The following TTC7B variants were observed in gnomAD, a reference collection of about 807,000 sequenced individuals.
The protein encoded by TTC7B is tetratricopeptide repeat protein 7B.
Under a neutral mutation model 106.8 loss-of-function variants are expected in TTC7B, and 28 were observed. That is an observed-to-expected ratio of 0.26 (90% CI 0.19 to 0.36). The LOEUF (loss-of-function observed/expected upper bound fraction) is 0.36, where lower values mean the gene tolerates loss of function less well. Ranked by LOEUF, TTC7B falls within the 10% of genes least tolerant of loss-of-function variation. TTC7B has a pLI of 1.00. For missense variants in TTC7B, 862 were observed against 1,076.4 expected, an observed-to-expected ratio of 0.80 and a Z score of 2.79; for synonymous variants, 405 against 430.6, an observed-to-expected ratio of 0.94 and a Z score of 0.74.
Position 90,624,122 on chromosome 14 carries a change from G to A in TTC7B, c.1752-6077C>T, listed in dbSNP as rs763985018. ...TGCATGTGTGTGTGCGCGTGCGCGT[G>A]TGTGTGTTTTGTGACTTGTCTTTCA... On this transcript the variant is annotated intron_variant, in intron 15 of 19. Transcript: ENST00000328459. This position sits in a 1 kb window ranked among gnomAD's most constrained non-coding sequence, Gnocchi z 4.0. Among the ~76,000 whole-genome samples the A allele has an allele frequency of 2.0e-5, 3 of 152,108 alleles. No individual in the cohort carries two copies. The highest frequency in any genetic ancestry group is 2.9e-5 in the Non-Finnish European group (2 of 68,016).
chr14:90,536,922 A>C lies in TTC7B; in HGVS notation c.*4446T>G, dbSNP rs924001621. 1 of 152,454 alleles carries C rather than the reference A, an allele frequency of 6.6e-6. No homozygotes were observed. The highest frequency in any genetic ancestry group is 2.4e-5 in the African/African-American group (1 of 41,466). The allele number at this position is 152,454 out of a possible 1,614,324, so 9.4% of individuals were successfully genotyped here. ...CTGGACTATCCAGGGGGCCCAGAGC[A>C]ACCAGCAGAGTCCTTAGAGGGAGGC... On this transcript the variant is annotated 3_prime_UTR_variant, in exon 20 of 20. Coordinates refer to ENST00000328459, the MANE Select transcript of TTC7B (RefSeq NM_001010854.2).
chr14:90,661,952 T>C (rs1210204598), intron 9 of TTC7B, among the ~76,000 whole-genome samples: 2 of 152,192 alleles, frequency 1.3e-5, no homozygotes, highest in African/African-American at 4.8e-5. Context: ...ACCGGAGGTC[T>C]AATTGGTATA....
At chr14:90,557,518 G>T (rs1371146039) in intron 19 of TTC7B, among the ~76,000 whole-genome samples, 1 of 152,268 alleles carries the variant, frequency 6.6e-6, no homozygotes, top group African/African-American at 2.4e-5. Flanking sequence ...TATATCCTTA[G>T]TGTGTATCTG....
intron 9 of TTC7B, among the ~76,000 whole-genome samples, chr14:90,671,150 C>T (rs1957980): frequency 0.86 from 130,782 of 152,078 alleles, 56,430 homozygotes; most frequent in East Asian, 0.98. Context: ...CAGGACTGCA[C>T]GCAATGCTGA....
intron 17 of TTC7B, among the ~76,000 whole-genome samples, chr14:90,603,707 G>A (rs932958488): frequency 2.6e-5 from 4 of 152,150 alleles, no homozygotes; most frequent in African/African-American, 9.7e-5. Context: ...TGAAGTCAAA[G>A]GTTTGGAGGG....
intron 5 of TTC7B, among the ~76,000 whole-genome samples, chr14:90,726,915 C>T (rs1012043955): frequency 3.3e-5 from 5 of 152,100 alleles, no homozygotes; most frequent in Admixed American, 1.3e-4. Context: ...AGTCAGACCG[C>T]GCCCAGAGAC....
At chr14:90,652,384 C>T (rs1424136406) in intron 13 of TTC7B, among the ~76,000 whole-genome samples, 1 of 140,546 alleles carries the variant, frequency 7.1e-6, no homozygotes, top group East Asian at 2.1e-4. Flanking sequence ...AAGGTGGGGG[C>T]GGGGAGTTTG....
intron 1 of TTC7B, among the ~76,000 whole-genome samples, chr14:90,797,956 C>T (rs1263426837): frequency 6.6e-6 from 1 of 152,202 alleles, no homozygotes; most frequent in African/African-American, 2.4e-5. Flanking sequence ...CATGTCTTCA[C>T]GTTTCCTGAA....
chr14:90,732,481 G>A (rs1432012856), intron 4 of TTC7B, among the ~76,000 whole-genome samples: 3 of 152,102 alleles, frequency 2.0e-5, no homozygotes, highest in African/African-American at 2.4e-5. Flanking sequence ...AGGCTCAAAC[G>A]ATCCTCCCAC....
chr14:90,783,529 G>C (rs1360005727), intron 2 of TTC7B, among the ~76,000 whole-genome samples: 1 of 152,158 alleles, frequency 6.6e-6, no homozygotes, highest in African/African-American at 2.4e-5. Flanking sequence ...AACAATCCTG[G>C]GTTAAGTAGG....
chr14:90,659,741 G>C (rs1886108816), intron 9 of TTC7B, among the ~76,000 whole-genome samples: 1 of 152,194 alleles, frequency 6.6e-6, no homozygotes, highest in Non-Finnish European at 1.5e-5. Context: ...GGACCAATAA[G>C]CAAAGAAAAG....
intron 6 of TTC7B, among the ~76,000 whole-genome samples, chr14:90,693,272 T>G (rs917084488): frequency 6.6e-6 from 1 of 152,042 alleles, no homozygotes; most frequent in Admixed American, 6.6e-5. Context: ...TAGGGCAAGT[T>G]ATAGAGGTCT....
intron 9 of TTC7B, among the ~76,000 whole-genome samples, chr14:90,661,337 G>A (rs1218322178): frequency 5.3e-5 from 8 of 152,222 alleles, no homozygotes; most frequent in Non-Finnish European, 1.0e-4. Context: ...ACTGAGGAAG[G>A]TGTCACTGTG....
At chr14:90,745,650 T>A (rs912591178) in intron 3 of TTC7B, among the ~76,000 whole-genome samples, 2 of 152,072 alleles carry the variant, frequency 1.3e-5, no homozygotes, top group Non-Finnish European at 2.9e-5. Flanking sequence ...AGATGAATTA[T>A]CCTTTTTTAT....
intron 1 of TTC7B, among the ~76,000 whole-genome samples, chr14:90,801,287 G>A (rs1187989026): frequency 1.3e-5 from 2 of 151,044 alleles, no homozygotes; most frequent in African/African-American, 4.9e-5. Context: ...GCTGGAAAAG[G>A]CACAAACACA....
intron 19 of TTC7B, among the ~76,000 whole-genome samples, chr14:90,560,812 T>C (rs879567140): frequency 2.6e-5 from 4 of 152,246 alleles, no homozygotes; most frequent in African/African-American, 4.8e-5. Context: ...TGGGGGCTGC[T>C]GGCGGCAAGG....
rs1424901957 is a variant in TTC7B, at chr14:90,537,875, C to T, written c.*3493G>A. 1.3e-5 allele frequency: 2 copies of T among 152,228 alleles called. No individual in the cohort carries two copies. The highest frequency in any genetic ancestry group is 2.9e-5 in the Non-Finnish European group (2 of 68,062). The allele number at this position is 152,228 out of a possible 1,614,324, so 9.4% of individuals were successfully genotyped here. A position where few individuals can be genotyped will look rare whatever the true frequency, so the allele number is the denominator to read the frequency against. On this transcript the variant is annotated 3_prime_UTR_variant, in exon 20 of 20. Transcript: ENST00000328459. ...CTAAGTGGATGCAGCATCTGTGTCA[C>T]ACATTGCTGTGCCCTCAGTGCCTGG... is the stretch of plus-strand genomic sequence containing the variant.
At chr14:90,634,614 A>C (rs1884851521) in intron 15 of TTC7B, among the ~76,000 whole-genome samples, 1 of 152,136 alleles carries the variant, frequency 6.6e-6, no homozygotes, top group South Asian at 2.1e-4. Flanking sequence ...TATACTAAAA[A>C]TACAAAAATT....
At chr14:90,669,092 G>T (rs1886531407) in intron 9 of TTC7B, among the ~76,000 whole-genome samples, 1 of 152,048 alleles carries the variant, frequency 6.6e-6, no homozygotes. Flanking sequence ...TGATAAGGGT[G>T]CCAAGTCCAT....
Sources: allele counts gnomAD v4.1 joint callset (sites outside exome capture counted in the v4.1 genomes callset), GRCh38; gene constraint gnomAD v4.1.1; non-coding constraint Gnocchi (gnomAD v3.1); transcripts MANE v1.5; gene names NCBI Gene and HGNC (gene_info 2026-07-23, HGNC 2026-07-21).